SDK2: variants seen among roughly 807,000 people sequenced by gnomAD.
SDK2 encodes protein sidekick-2.
A neutral mutation model predicts 253.9 loss-of-function variants in SDK2; 105 were observed. That is an observed-to-expected ratio of 0.41 (90% confidence interval 0.35 to 0.49). The LOEUF (loss-of-function observed/expected upper bound fraction) is 0.49. Ranked by LOEUF, SDK2 falls within the 20% of genes least tolerant of loss-of-function variation. The probability of loss-of-function intolerance (pLI) is 0.06; values close to 1 mark genes in which losing one functional copy is unlikely to be tolerated. For synonymous variants in SDK2, 1,249 were observed against 1,234.9 expected, an observed-to-expected ratio of 1.01 and a Z score of -0.24; for missense variants, 2,608 against 3,003.0, an observed-to-expected ratio of 0.87 and a Z score of 3.07.
Position 73,447,884 on chromosome 17 carries a change from C to G in SDK2, c.480-136G>C. ...GCCTCCCAGGGCCCCTCCTGCCACC[C>G]CCTCCCCAACCTCTTACTGCCTACA... On this transcript the variant is annotated intron_variant, in intron 4 of 44. Transcript: ENST00000392650. The surrounding 1 kb of genome is among the most constrained non-coding windows in gnomAD (Gnocchi z 4.0). The G allele has an allele frequency of 1.1e-6, 1 of 928,312 alleles. No homozygotes were observed. The highest frequency in any genetic ancestry group is 2.7e-5 in the East Asian group (1 of 37,698). The allele number at this position is 928,312 out of a possible 1,614,324, so 57.5% of individuals were successfully genotyped here.
Position 73,338,486 on chromosome 17 carries a change from G to T in SDK2, c.*101C>A. ...AAATAAACTCAGGAGGTGAAAAGTT[G>T]ACTTGGTTTCTTGGTGTTTTTGTTT... On this transcript the variant is annotated 3_prime_UTR_variant, in exon 45 of 45. Coordinates refer to ENST00000392650, the MANE Select transcript of SDK2 (RefSeq NM_001144952.2). The surrounding 1 kb of genome is among the most constrained non-coding windows in gnomAD (Gnocchi z 5.0). 1 of 781,230 alleles carries T rather than the reference G, an allele frequency of 1.3e-6. No homozygotes were observed. The highest frequency in any genetic ancestry group is 2.1e-6 in the Non-Finnish European group (1 of 470,712). The allele number at this position is 781,230 out of a possible 1,614,324, so 48.4% of individuals were successfully genotyped here. A position where few individuals can be genotyped will look rare whatever the true frequency, so the allele number is the denominator to read the frequency against.
intron 1 of SDK2, among the ~76,000 whole-genome samples, chr17:73,560,998 G>A (rs1293947927): frequency 6.6e-6 from 1 of 152,138 alleles, no homozygotes; most frequent in Admixed American, 6.5e-5. Flanking sequence ...CCCAGACCAG[G>A]CACAGCAAAA....
Position 73,365,384 on chromosome 17 carries a change from G to A in SDK2, c.5179C>T (p.Pro1727Ser), listed in dbSNP as rs1214793044. Residue 1727 changes from proline (P) to serine (S), a missense_variant, in exon 38 of 45, where the codon CCC (proline) becomes TCC (serine). Physicochemically the swap from Pro to Ser is moderately conservative, Grantham distance 74. Transcript: ENST00000392650. ...GQTQQAAPSA[P>S]SSVKFSELTT... ...AGCTCACTGAACTTGACCGAGCTGG[G>A]AGCGCTGGGGGCTGCGGGAGACAGC... 6.2e-7 allele frequency: 1 copy of A among 1,608,636 alleles called. No homozygotes were observed.
Position 73,395,262 on chromosome 17 carries a change from A to G in SDK2, c.3485T>C (p.Ile1162Thr), listed in dbSNP as rs1204543425. 1.2e-6 allele frequency: 2 copies of G among 1,613,850 alleles called. No individual in the cohort carries two copies. The highest frequency in any genetic ancestry group is 1.7e-6 in the Non-Finnish European group (2 of 1,179,852). Residue 1162 changes from isoleucine (I) to threonine (T), a missense_variant, in exon 25 of 45, where the codon ATC becomes ACC. By Grantham distance (89) the Ile-to-Thr change is moderately conservative. Around this residue, in one of 2 missense-constraint regions of SDK2, gnomAD observed 1,505 missense variants for 1,859.1 expected, o/e 0.81. Coordinates refer to ENST00000392650, the MANE Select transcript of SDK2 (RefSeq NM_001144952.2). The surrounding 1 kb of genome is among the most constrained non-coding windows in gnomAD (Gnocchi z 4.3). ...VQDRVERDYT[I>T]EDLEEWTEYR... Reference sequence around the variant, plus strand: ...CTCTGTCCACTCCTCCAGGTCCTCGATGGTGTAGTCCCGCTCCACACGGTC... The same window carrying G: ...CTCTGTCCACTCCTCCAGGTCCTCGGTGGTGTAGTCCCGCTCCACACGGTC...
intron 1 of SDK2, among the ~76,000 whole-genome samples, chr17:73,580,004 A>G (rs1001973711): frequency 1.3e-5 from 2 of 151,654 alleles, no homozygotes; most frequent in East Asian, 1.9e-4. Context: ...AAAAAAAAAA[A>G]AGAGAGGTTA....
intron 1 of SDK2, among the ~76,000 whole-genome samples, chr17:73,543,740 TC>T (rs1366425836): frequency 2.6e-5 from 4 of 152,182 alleles, no homozygotes; most frequent in African/African-American, 9.7e-5. Flanking sequence ...CTGACCAGCT[TC>T]CAACTAGGAG....
intron 3 of SDK2, among the ~76,000 whole-genome samples, chr17:73,460,877 A>G (rs766465448): frequency 1.3e-5 from 2 of 152,254 alleles, no homozygotes; most frequent in African/African-American, 2.4e-5. Context: ...AGAACTCAGA[A>G]GATATATTTG....
chr17:73,563,943 TAG>T (rs945570409), intron 1 of SDK2, among the ~76,000 whole-genome samples: 31 of 152,178 alleles, frequency 2.0e-4, no homozygotes, highest in African/African-American at 7.2e-4. Context: ...ATATTTTTTG[TAG>T]AGACACGGCT....
At chr17:73,565,443 C>T (rs977339966) in intron 1 of SDK2, among the ~76,000 whole-genome samples, 4 of 152,222 alleles carry the variant, frequency 2.6e-5, no homozygotes, top group South Asian at 4.2e-4. Flanking sequence ...TTCCAAAATT[C>T]CTAGGCACAT....
At chr17:73,482,541 C>A (rs560603847) in intron 2 of SDK2, among the ~76,000 whole-genome samples, 2 of 152,212 alleles carry the variant, frequency 1.3e-5, no homozygotes, top group Non-Finnish European at 2.9e-5. Context: ...GAGAGGATGG[C>A]GGTGTTATCG....
chr17:73,386,471 G>A lies in SDK2; in HGVS notation c.4472C>T (p.Ser1491Leu), dbSNP rs773011099. The stretch of plus-strand genomic sequence containing the variant: ...AGCCTGCAGGGTGGTCAGTGACTCC[G>A]ACTCCTCGCTGAACTCGCTGTCGCC... The part of the protein sequence containing the change: ...DIGDSEFSEE[S>L]ESLTTLQAAP... Residue 1491 changes from serine (S) to leucine (L), a missense_variant, in exon 31 of 45, where the codon TCG becomes TTG. Ser to Leu is a moderately radical substitution (Grantham distance 145). Transcript: ENST00000392650. The A allele has an allele frequency of 2.6e-6, 4 of 1,560,344 alleles. No individual in the cohort carries two copies. The highest frequency in any genetic ancestry group is 2.4e-5 in the East Asian group (1 of 41,506).
chr17:73,475,726 G>A (rs996481318), intron 2 of SDK2, among the ~76,000 whole-genome samples: 3 of 152,210 alleles, frequency 2.0e-5, no homozygotes, highest in Non-Finnish European at 4.4e-5. Flanking sequence ...GCACGCGATA[G>A]CAAGATGCTA....
At chr17:73,595,598 G>A (rs1157516575) in intron 1 of SDK2, among the ~76,000 whole-genome samples, 1 of 152,210 alleles carries the variant, frequency 6.6e-6, no homozygotes, top group Non-Finnish European at 1.5e-5. Flanking sequence ...GGAGTCACCA[G>A]AAAGGCAGCC....
At chr17:73,353,770 C>G (rs1453649518) in intron 40 of SDK2, among the ~76,000 whole-genome samples, 1 of 140,182 alleles carries the variant, frequency 7.1e-6, no homozygotes, top group Non-Finnish European at 1.5e-5. Flanking sequence ...GTGGTGCCAT[C>G]TCAGCTTACC....
intron 1 of SDK2, among the ~76,000 whole-genome samples, chr17:73,528,979 T>A (rs538595705): frequency 1.3e-5 from 2 of 152,336 alleles, no homozygotes; most frequent in East Asian, 3.9e-4. Context: ...CTTCTGCAGC[T>A]CCTTCTGGTG....
At chr17:73,544,372 C>T (rs543865495) in intron 1 of SDK2, among the ~76,000 whole-genome samples, 41 of 152,204 alleles carry the variant, frequency 2.7e-4, no homozygotes, top group Middle Eastern at 3.2e-3. Context: ...TCTCCCCACC[C>T]GCACTGAGCT....
intron 6 of SDK2, among the ~76,000 whole-genome samples, chr17:73,440,379 T>C (rs1696840658): frequency 6.6e-6 from 1 of 152,084 alleles, no homozygotes. Flanking sequence ...GTGCTGGGAT[T>C]ACAGGTATGA....
intron 1 of SDK2, among the ~76,000 whole-genome samples, chr17:73,597,893 C>A (rs1467911749): frequency 1.3e-5 from 2 of 152,162 alleles, no homozygotes; most frequent in Non-Finnish European, 2.9e-5. Context: ...GATCCGCCCA[C>A]CTCAGCCTCC....
intron 27 of SDK2, among the ~76,000 whole-genome samples, chr17:73,393,260 A>AG (rs1362060689): frequency 6.6e-5 from 10 of 151,672 alleles, no homozygotes; most frequent in South Asian, 6.3e-4. Context: ...AAAAAAAAAA[A>AG]AAAAGAAAAG....
Sources: gnomAD v4.1 joint callset for allele counts (sites outside exome capture counted in the v4.1 genomes callset) on GRCh38, gnomAD v4.1.1 for gene constraint, gnomAD v4.1.1 regional missense constraint, Gnocchi (gnomAD v3.1) non-coding constraint, MANE v1.5 for transcripts, NCBI Gene and HGNC (gene_info 2026-07-23, HGNC 2026-07-21) for gene names.